The following IQCH variants were observed in gnomAD, a reference collection of about 807,000 sequenced individuals.
The protein encoded by IQCH is IQ motif containing H, also known as IQ domain-containing protein H.
IQCH carries 98 observed loss-of-function variants against 117.0 expected under a neutral mutation model. The observed-to-expected ratio is 0.84, with a 90% CI of 0.71 to 0.99. The LOEUF (loss-of-function observed/expected upper bound fraction) is 0.99. Ranked by LOEUF, IQCH falls within the 50% of genes least tolerant of loss-of-function variation. The pLI is 0.00. For missense variants in IQCH, 1,102 were observed against 1,243.8 expected (o/e 0.89, Z 1.72); for synonymous variants, 412 against 448.2 (o/e 0.92, Z 1.02).
chr15:67,286,367 T>G (rs1166189294), intron 4 of IQCH, among the ~76,000 whole-genome samples: 1 of 152,166 alleles, frequency 6.6e-6, no homozygotes, highest in Admixed American at 6.5e-5. Context: ...TAAGATCATA[T>G]CATCTGCAAA....
intron 4 of IQCH, among the ~76,000 whole-genome samples, chr15:67,318,431 A>G (rs1037169959): frequency 1.3e-5 from 2 of 152,242 alleles, no homozygotes; most frequent in Admixed American, 6.5e-5. Context: ...TATTCCTGAG[A>G]AGGAAAATGT....
chr15:67,264,972 A>G (rs746500585), intron 3 of IQCH, among the ~76,000 whole-genome samples: 1 of 152,158 alleles, frequency 6.6e-6, no homozygotes, highest in African/African-American at 2.4e-5. Flanking sequence ...CCTATAGCAG[A>G]TAGAGAAGGT....
At chr15:67,353,117 G>A (rs974143645) in intron 6 of IQCH, among the ~76,000 whole-genome samples, 1 of 151,460 alleles carries the variant, frequency 6.6e-6, no homozygotes, top group Non-Finnish European at 1.5e-5. Flanking sequence ...CTGCAATCCA[G>A]CCTGAGTGAC....
chr15:67,450,803 A>G (rs1396305751), intron 16 of IQCH, among the ~76,000 whole-genome samples: 6 of 152,236 alleles, frequency 3.9e-5, no homozygotes, highest in Non-Finnish European at 8.8e-5. Flanking sequence ...GAATGGTACC[A>G]GCTCCTCTTT....
rs928456342 is a variant in IQCH, at chr15:67,424,138, C to A, written c.2505+2561C>A. Among the ~76,000 whole-genome samples, 25 of 152,148 alleles carry A rather than the reference C, an allele frequency of 1.6e-4. No homozygotes were observed. Among genetic ancestry groups the A allele is most frequent in the African/African-American group, 6.0e-4 (25 of 41,424 alleles). On this transcript the variant is annotated intron_variant, in intron 16 of 20. Coordinates refer to ENST00000335894, the MANE Select transcript of IQCH (RefSeq NM_001031715.3). This position sits in a 1 kb window ranked among gnomAD's most constrained non-coding sequence, Gnocchi z 4.9. ...ATGTACCTGGCCAGTCTTGTCTCAC[C>A]CTAACTTGCCCTCTGTTTTGTTCTG... is the stretch of plus-strand genomic sequence containing the variant.
chr15:67,417,936 G>GC lies in IQCH; in HGVS notation c.2218+886dup, dbSNP rs778387112. ...AATGTCATGTCAGATGATAACAGCA[G>GC]CAGCAATAGCACAGTGATGATAATA... is the stretch of plus-strand genomic sequence containing the variant. On this transcript the variant is annotated intron_variant, in intron 15 of 20. Transcript: ENST00000335894. This position sits in a 1 kb window ranked among gnomAD's most constrained non-coding sequence, Gnocchi z 4.3. Among the ~76,000 whole-genome samples the GC allele has an allele frequency of 2.0e-4, 30 of 152,206 alleles. No individual in the cohort carries two copies. Among genetic ancestry groups the GC allele is most frequent in the Non-Finnish European group, 4.3e-4 (29 of 68,044 alleles).
At position 67,421,376 on chromosome 15, in the gene IQCH, C is replaced by T. The variant is rs184504662; in HGVS notation, c.2304C>T (p.Ser768=). Residue 768 remains serine (S), a synonymous_variant, in exon 16 of 21, where the codon AGC becomes AGT. Transcript: ENST00000335894. ...DMLIEPNGKI[S]VLSTGDQLHA... is the part of the protein sequence containing the mutation. ...TGATAGAGCCCAACGGGAAAATCAG[C>T]GTGCTGTCGACAGGGGACCAGCTTC... 4.3e-6 allele frequency: 7 copies of T among 1,614,156 alleles called. No homozygotes were observed. The highest frequency in any genetic ancestry group is 2.2e-5 in the East Asian group (1 of 44,880).
rs1037054496 is a variant in IQCH, at chr15:67,403,623, G to A, written c.2097+3318G>A. Reference sequence around the variant, plus strand: ...CTCTTGCACACACTCCAAACTCCACGTTCCCCAGTCGGGGGTATTTATTTT... The same window carrying A: ...CTCTTGCACACACTCCAAACTCCACATTCCCCAGTCGGGGGTATTTATTTT... On this transcript the variant is annotated intron_variant, in intron 14 of 20. Transcript: ENST00000335894. This position sits in a 1 kb window ranked among gnomAD's most constrained non-coding sequence, Gnocchi z 4.8. 1.3e-5 allele frequency: 2 copies of A among 152,092 alleles called. No individual in the cohort carries two copies. Among genetic ancestry groups the A allele is most frequent in the Admixed American group, 1.3e-4 (2 of 15,264 alleles). 9.4% of individuals were successfully genotyped at this position (152,092 alleles called of 1,614,324 possible). A position where few individuals can be genotyped will look rare whatever the true frequency, so the allele number is the denominator to read the frequency against.
At chr15:67,371,235 G>A (rs1970522329) in intron 8 of IQCH, among the ~76,000 whole-genome samples, 1 of 152,090 alleles carries the variant, frequency 6.6e-6, no homozygotes, top group African/African-American at 2.4e-5. Context: ...CAGAGTGTCT[G>A]TTTTCAGTAG....
rs188787070 is a variant in IQCH at position 67,347,560 on chromosome 15, C to T, written c.637+3369C>T. Reference sequence around the variant, plus strand: ...AAACATTGTAAGAAAAAAAATGATACCATATGGCATCACTGGTGAATTCTA... The same window carrying T: ...AAACATTGTAAGAAAAAAAATGATATCATATGGCATCACTGGTGAATTCTA... On this transcript the variant is annotated intron_variant, in intron 6 of 20. Coordinates refer to ENST00000335894, the MANE Select transcript of IQCH (RefSeq NM_001031715.3). 3.3e-3 allele frequency among the ~76,000 whole-genome samples: 499 copies of T among 151,692 alleles called. 2 individuals are homozygous for T. The highest frequency in any genetic ancestry group is 5.3e-3 in the Non-Finnish European group (362 of 67,872).
At chr15:67,429,474 TGCCACTGCA>T (rs2081972608) in intron 16 of IQCH, among the ~76,000 whole-genome samples, 1 of 152,176 alleles carries the variant, frequency 6.6e-6, no homozygotes, top group South Asian at 2.1e-4. Flanking sequence ...GCCATGATCG[TGCCACTGCA>T]CTCCAGCTTG....
intron 7 of IQCH, 128 bp downstream of exon 7, chr15:67,357,549 C>A: frequency 1.5e-6 from 1 of 686,330 alleles, no homozygotes; most frequent in Non-Finnish European, 2.7e-6. Flanking sequence ...TCAGCTGCTG[C>A]TGGTATGCAT....
At chr15:67,347,856 T>C (rs1294305882) in intron 6 of IQCH, among the ~76,000 whole-genome samples, 4 of 147,166 alleles carry the variant, frequency 2.7e-5, no homozygotes, top group African/African-American at 9.8e-5. Flanking sequence ...TTTATATATT[T>C]ATATATCTAT....
chr15:67,463,941 C>G lies in IQCH; in HGVS notation c.2506-1186C>G, dbSNP rs575168802. Among the ~76,000 whole-genome samples the G allele has an allele frequency of 9.2e-5, 14 of 152,260 alleles. No individual in the cohort carries two copies. In the South Asian group the frequency reaches 2.1e-3, roughly 23 times the overall value. ...CACTGAAACCTCTGCCTCCTGGGTT[C>G]AAGCGATTCTCGTGCCTCAGCCTCC... is the stretch of plus-strand genomic sequence containing the variant. On this transcript the variant is annotated intron_variant, in intron 16 of 20. Transcript: ENST00000335894. The surrounding 1 kb of genome is among the most constrained non-coding windows in gnomAD (Gnocchi z 4.0).
rs1349295103 is a variant in IQCH at position 67,426,556 on chromosome 15, AT to A, written c.2505+4980del. On this transcript the variant is annotated intron_variant, in intron 16 of 20. Transcript: ENST00000335894. This position sits in a 1 kb window ranked among gnomAD's most constrained non-coding sequence, Gnocchi z 5.1. ...TATAACTATTACATATCAATAAAAA[AT>A]ACCAAAAAAAAACCCAACCTCATAC... Among the ~76,000 whole-genome samples, 1 of 151,330 alleles carries A rather than the reference AT, an allele frequency of 6.6e-6. No individual in the cohort carries two copies.
Position 67,456,529 on chromosome 15 carries a change from T to C in IQCH, c.2506-8598T>C, listed in dbSNP as rs546379210. ...AGACCTCCCTAAGCCCTGAGTATTTTTAGTTTTAGAGATTCCATCCTACAT... is the reference window on the plus strand; with the variant it reads ...AGACCTCCCTAAGCCCTGAGTATTTCTAGTTTTAGAGATTCCATCCTACAT... On this transcript the variant is annotated intron_variant, in intron 16 of 20. Transcript: ENST00000335894. The surrounding 1 kb of genome is among the most constrained non-coding windows in gnomAD (Gnocchi z 5.1). 6.6e-6 allele frequency among the ~76,000 whole-genome samples: 1 copy of C among 152,266 alleles called. No individual in the cohort carries two copies. Among genetic ancestry groups the C allele is most frequent in the East Asian group, 1.9e-4 (1 of 5,182 alleles).
intron 16 of IQCH, among the ~76,000 whole-genome samples, chr15:67,423,640 C>T (rs1190279784): frequency 6.7e-6 from 1 of 149,050 alleles, no homozygotes; most frequent in African/African-American, 2.5e-5. Context: ...CGGTAGCTCA[C>T]GCCTGTAATA....
chr15:67,343,848 C>A (rs927519641), intron 5 of IQCH, among the ~76,000 whole-genome samples: 1 of 152,052 alleles, frequency 6.6e-6, no homozygotes, highest in Non-Finnish European at 1.5e-5. Context: ...TTTCATATTA[C>A]TGCCATTGGA....
intron 17 of IQCH, among the ~76,000 whole-genome samples, chr15:67,469,512 T>C (rs1005285210): frequency 6.6e-6 from 1 of 152,226 alleles, no homozygotes; most frequent in East Asian, 1.9e-4. Flanking sequence ...AGGAGTAATA[T>C]TGTGACAGGT....
Sources: gnomAD v4.1 joint callset for allele counts (sites outside exome capture counted in the v4.1 genomes callset) on GRCh38, gnomAD v4.1.1 for gene constraint, Gnocchi (gnomAD v3.1) non-coding constraint, MANE v1.5 for transcripts, NCBI Gene and HGNC (gene_info 2026-07-23, HGNC 2026-07-21) for gene names.